GAPVD1: variants seen among roughly 807,000 people sequenced by gnomAD.
GAPVD1 encodes GTPase activating protein and VPS9 domains 1.
A neutral mutation model predicts 155.5 loss-of-function variants in GAPVD1; 35 were observed. The observed-to-expected ratio is 0.23, with a 90% CI of 0.17 to 0.30. The LOEUF (loss-of-function observed/expected upper bound fraction) is 0.30. GAPVD1 is among the 10% of genes least tolerant of loss of function. GAPVD1 has a pLI of 1.00. For synonymous variants in GAPVD1, 636 were observed against 619.7 expected (o/e 1.03, Z -0.39); for missense variants, 1,429 against 1,775.7 (o/e 0.80, Z 3.51).
chr9:125,275,026 A>G (rs918601900), intron 2 of GAPVD1, among the ~76,000 whole-genome samples: 1 of 152,052 alleles, frequency 6.6e-6, no homozygotes. Context: ...TCTGATGGAC[A>G]TCTTTCTTTT....
intron 9 of GAPVD1, among the ~76,000 whole-genome samples, chr9:125,317,650 A>G (rs1014529368): frequency 6.6e-6 from 1 of 151,708 alleles, no homozygotes; most frequent in African/African-American, 2.4e-5. Context: ...AAAGAAAAGA[A>G]AGAAAAGAAA....
intron 5 of GAPVD1, 89 bp downstream of exon 5, chr9:125,302,915 A>G: frequency 1.4e-6 from 2 of 1,464,644 alleles, no homozygotes; most frequent in Non-Finnish European, 1.8e-6. Flanking sequence ...ATACGATGAC[A>G]GTATTTGTAT....
rs1221963414 is a variant in GAPVD1 at position 125,332,636 on chromosome 9, G to A, written c.2428+7G>A. On this transcript the variant is annotated splice_region_variant and intron_variant, in intron 15 of 27. Coordinates refer to ENST00000297933, the MANE Select transcript of GAPVD1 (RefSeq NM_001282680.3). Reference sequence around the variant, plus strand: ...ATGGATGAAATAACTCACGGTAAGAGGGGGAAATGAGGATGACTTAAAAAA... The same window carrying A: ...ATGGATGAAATAACTCACGGTAAGAAGGGGAAATGAGGATGACTTAAAAAA... 5 of 1,604,580 alleles carry A rather than the reference G, an allele frequency of 3.1e-6. No individual in the cohort carries two copies. Among genetic ancestry groups the A allele is most frequent in the African/African-American group, 1.3e-5 (1 of 74,356 alleles).
chr9:125,317,798 A>C (rs1588908044), intron 9 of GAPVD1, among the ~76,000 whole-genome samples: 1 of 152,112 alleles, frequency 6.6e-6, no homozygotes, highest in African/African-American at 2.4e-5. Context: ...CTCACCAAAT[A>C]GAAGATATCA....
chr9:125,282,601 C>T (rs537082110), intron 2 of GAPVD1, among the ~76,000 whole-genome samples: 23 of 152,140 alleles, frequency 1.5e-4, no homozygotes, highest in Non-Finnish European at 3.1e-4. Flanking sequence ...ATGGATATGG[C>T]GTCTTGTCTC....
chr9:125,319,601 C>CTTTTT (rs777202943), intron 9 of GAPVD1, among the ~76,000 whole-genome samples: 1 of 121,516 alleles, frequency 8.2e-6, no homozygotes, highest in Non-Finnish European at 1.8e-5. Context: ...GAAAAAAAAA[C>CTTTTT]TTTTTTTTTT....
At chr9:125,329,114 G>A (rs1406567430) in intron 12 of GAPVD1, among the ~76,000 whole-genome samples, 2 of 145,908 alleles carry the variant, frequency 1.4e-5, no homozygotes, top group Admixed American at 1.3e-4. Context: ...GAGACCGTGG[G>A]GAGAGGGAGA....
rs3104547 is a variant in GAPVD1 at position 125,356,926 on chromosome 9, T to C, written c.3971+1069T>C. On this transcript the variant is annotated intron_variant, in intron 25 of 27. Transcript: ENST00000297933. ...CTGACCTCAGATGATCCGCTCGTCT[T>C]GGCCTCCCAAAGTGCTGAGATGACA... Among the ~76,000 whole-genome samples, 612 of 152,316 alleles carry C rather than the reference T, an allele frequency of 4.0e-3. 5 individuals carry two copies. The highest frequency in any genetic ancestry group is 0.014 in the African/African-American group (590 of 41,560).
intron 2 of GAPVD1, among the ~76,000 whole-genome samples, chr9:125,274,238 GA>G: frequency 6.6e-6 from 1 of 151,912 alleles, no homozygotes; most frequent in African/African-American, 2.4e-5. Flanking sequence ...GCCTGGTCTT[GA>G]ACTCCTGACC....
At chr9:125,300,899 C>T (rs1333117520) in intron 4 of GAPVD1, among the ~76,000 whole-genome samples, 1 of 151,724 alleles carries the variant, frequency 6.6e-6, no homozygotes, top group African/African-American at 2.4e-5. Flanking sequence ...TTTCCAGAAG[C>T]AAAAAGCCTA....
chr9:125,284,896 A>G (rs1216316067), intron 2 of GAPVD1, among the ~76,000 whole-genome samples: 1 of 152,250 alleles, frequency 6.6e-6, no homozygotes, highest in Non-Finnish European at 1.5e-5. Context: ...AATATTGTAT[A>G]AAAGCTCCAT....
At chr9:125,334,167 A>G (rs1012615725) in intron 15 of GAPVD1, among the ~76,000 whole-genome samples, 2 of 151,426 alleles carry the variant, frequency 1.3e-5, no homozygotes, top group African/African-American at 2.4e-5. Context: ...GTCCATTTTC[A>G]CCGTGTCGAC....
chr9:125,294,185 C>T (rs1277264604), intron 2 of GAPVD1, among the ~76,000 whole-genome samples: 6 of 151,642 alleles, frequency 4.0e-5, no homozygotes, highest in Admixed American at 1.3e-4. Flanking sequence ...GGATTACAGG[C>T]GTGAGCCACT....
intron 25 of GAPVD1, among the ~76,000 whole-genome samples, chr9:125,358,109 T>TA (rs1850380591): frequency 6.6e-6 from 1 of 152,068 alleles, no homozygotes; most frequent in South Asian, 2.1e-4. Context: ...TCCTCCTCTG[T>TA]ATTTTCTCCT....
chr9:125,305,371 GTTTT>G (rs34474690), intron 6 of GAPVD1, among the ~76,000 whole-genome samples: 2 of 111,558 alleles, frequency 1.8e-5, no homozygotes, highest in Admixed American at 9.1e-5. Context: ...ATTTTAAAAA[GTTTT>G]TTTTTTTTTT....
At chr9:125,301,836 TGTTA>T (rs1840937639) in intron 4 of GAPVD1, 143 bp from the exon 5 acceptor site, 3 of 582,060 alleles carry the variant, frequency 5.2e-6, no homozygotes, top group East Asian at 6.0e-5. Flanking sequence ...ATTGAGTTGC[TGTTA>T]GTTTAAAAAA....
Position 125,262,546 on chromosome 9 carries a change from C to G in GAPVD1, c.-199+587C>G, listed in dbSNP as rs891454787. Among the ~76,000 whole-genome samples the G allele has an allele frequency of 4.6e-5, 7 of 152,200 alleles. No homozygotes were observed. The East Asian group carries it at 1.4e-3, about 29-fold the overall frequency. ...CTGGCAAAATTGTAGTGAGTGCTGG[C>G]TAGGCAAACCACAGAAGTACACCCA... On this transcript the variant is annotated intron_variant, in intron 1 of 27. Coordinates refer to ENST00000297933, the MANE Select transcript of GAPVD1 (RefSeq NM_001282680.3).
At chr9:125,288,415 A>G (rs1288178211) in intron 2 of GAPVD1, among the ~76,000 whole-genome samples, 3 of 151,538 alleles carry the variant, frequency 2.0e-5, no homozygotes, top group Non-Finnish European at 4.4e-5. Flanking sequence ...CGGCCTTGTT[A>G]ATATTTAATG....
Position 125,342,225 on chromosome 9 carries a change from T to C in GAPVD1, c.2972T>C (p.Ile991Thr), listed in dbSNP as rs1847926608. The C allele has an allele frequency of 1.3e-6, 2 of 1,530,596 alleles. No individual in the cohort carries two copies. Among genetic ancestry groups the C allele is most frequent in the Non-Finnish European group, 1.8e-6 (2 of 1,103,690 alleles). 94.8% of individuals were successfully genotyped at this position (1,530,596 alleles called of 1,614,324 possible). A position where few individuals can be genotyped will look rare whatever the true frequency, so the allele number is the denominator to read the frequency against. Residue 991 changes from isoleucine (I) to threonine (T), a missense_variant, in exon 19 of 28, where the codon ATA becomes ACA. This residue lies in a region of GAPVD1 where 699 missense variants were observed against 826.0 expected (regional missense o/e 0.85). Transcript: ENST00000297933. The part of the protein sequence containing the change: ...RFVSAMPKAP[I>T]PFRKKEKQEK... ...GACTTTATTTAATTTCCAGCTCCTA[T>C]ACCATTTAGAAAGAAAGAAAAACAA...
Sources: allele counts gnomAD v4.1 joint callset (sites outside exome capture counted in the v4.1 genomes callset), GRCh38; gene constraint gnomAD v4.1.1; regional missense constraint gnomAD v4.1.1; transcripts MANE v1.5; gene names NCBI Gene and HGNC (gene_info 2026-07-23, HGNC 2026-07-21).